GRM1: variants seen among roughly 807,000 people sequenced by gnomAD.
GRM1 encodes the protein glutamate metabotropic receptor 1, also known as metabotropic glutamate receptor 1.
In GRM1, 33 loss-of-function variants were observed where a neutral mutation model predicts 90.9. That is an observed-to-expected ratio of 0.36 (90% CI 0.28 to 0.49). GRM1 has a LOEUF of 0.49. GRM1 is among the 20% of genes least tolerant of loss of function. GRM1 has a pLI of 0.99. For missense variants in GRM1, 1,190 were observed against 1,534.3 expected (o/e 0.78, Z 3.75); for synonymous variants, 700 against 613.2 (o/e 1.14, Z -2.09).
Position 146,134,701 on chromosome 6 carries a change from C to T in GRM1, c.701-24647C>T, listed in dbSNP as rs181411874. Among the ~76,000 whole-genome samples the T allele has an allele frequency of 3.3e-5, 5 of 152,166 alleles. 1 individual carries two copies. The South Asian group carries it at 8.3e-4, about 25-fold the overall frequency. Reference sequence around the variant, plus strand: ...ATCCTAGCACTTTGGGAGGCCATGGCGGGTGGATCATGAGGTCAGAATATT... The same window carrying T: ...ATCCTAGCACTTTGGGAGGCCATGGTGGGTGGATCATGAGGTCAGAATATT... On this transcript the variant is annotated intron_variant, in intron 1 of 7. Coordinates refer to ENST00000282753, the MANE Select transcript of GRM1 (RefSeq NM_001278064.2).
intron 2 of GRM1, among the ~76,000 whole-genome samples, chr6:146,210,746 A>C (rs1779661004): frequency 6.6e-6 from 1 of 152,126 alleles, no homozygotes; most frequent in Non-Finnish European, 1.5e-5. Context: ...TTCATTTACA[A>C]ATTCTTTATT....
chr6:146,055,632 T>A (rs1775457243), intron 1 of GRM1, among the ~76,000 whole-genome samples: 1 of 152,114 alleles, frequency 6.6e-6, no homozygotes, highest in Admixed American at 6.6e-5. Context: ...ATTGAAGGGC[T>A]GGGGAGGTGT....
At chr6:146,195,779 A>G (rs1003619875) in intron 2 of GRM1, among the ~76,000 whole-genome samples, 1 of 152,238 alleles carries the variant, frequency 6.6e-6, no homozygotes, top group Non-Finnish European at 1.5e-5. Flanking sequence ...GAGGGAATAA[A>G]CATGGAGAGA....
At chr6:146,309,705 A>G (rs1783710853) in intron 3 of GRM1, among the ~76,000 whole-genome samples, 2 of 152,020 alleles carry the variant, frequency 1.3e-5, no homozygotes, top group South Asian at 4.1e-4. Flanking sequence ...TCCTTCTTAC[A>G]TAAAAAAAAA....
intron 1 of GRM1, among the ~76,000 whole-genome samples, chr6:146,101,086 C>T (rs1777035016): frequency 6.6e-6 from 1 of 152,034 alleles, no homozygotes; most frequent in South Asian, 2.1e-4. Context: ...AAGTGAGAAC[C>T]TATCTCATAA....
chr6:146,222,905 T>TGGG (rs1362545158), intron 2 of GRM1, among the ~76,000 whole-genome samples: 1 of 151,918 alleles, frequency 6.6e-6, no homozygotes, highest in African/African-American at 2.4e-5. Context: ...GCGGAGTCAT[T>TGGG]GGGGGTGTTG....
intron 1 of GRM1, among the ~76,000 whole-genome samples, chr6:146,136,793 T>C (rs1000990840): frequency 2.0e-5 from 3 of 151,878 alleles, no homozygotes; most frequent in African/African-American, 7.2e-5. Context: ...CAGCAAATAA[T>C]CTGTCATGTG....
chr6:146,210,904 G>A (rs775532099), intron 2 of GRM1, among the ~76,000 whole-genome samples: 5 of 152,078 alleles, frequency 3.3e-5, no homozygotes, highest in Non-Finnish European at 7.4e-5. Context: ...GAGATTCACA[G>A]CAGGAATGGG....
At chr6:146,272,271 CATA>C (rs1782192117) in intron 2 of GRM1, among the ~76,000 whole-genome samples, 1 of 152,166 alleles carries the variant, frequency 6.6e-6, no homozygotes, top group Non-Finnish European at 1.5e-5. Context: ...AATGAATGAA[CATA>C]ATAATCTCCT....
At chr6:146,389,115 G>A (rs888252993) in intron 6 of GRM1, among the ~76,000 whole-genome samples, 7 of 151,890 alleles carry the variant, frequency 4.6e-5, no homozygotes, top group African/African-American at 1.7e-4. Context: ...TCTTTTTCTT[G>A]TATAAGTAGG....
chr6:146,112,006 C>T (rs534757597), intron 1 of GRM1, among the ~76,000 whole-genome samples: 1 of 152,324 alleles, frequency 6.6e-6, no homozygotes, highest in South Asian at 2.1e-4. Context: ...CACTCTATGA[C>T]ACACATAACT....
intron 5 of GRM1, among the ~76,000 whole-genome samples, chr6:146,364,199 AT>A (rs1477451452): frequency 6.6e-6 from 1 of 152,080 alleles, no homozygotes; most frequent in Non-Finnish European, 1.5e-5. Context: ...ACCTCTAGCT[AT>A]TTATTTTTGT....
chr6:146,426,662 A>T (rs1163000055), intron 7 of GRM1: 1 of 1,208,648 alleles, frequency 8.3e-7, no homozygotes. Context: ...AGCTGCATGG[A>T]AAATCTAGTG....
intron 4 of GRM1, among the ~76,000 whole-genome samples, chr6:146,354,678 T>C (rs1450387304): frequency 6.6e-6 from 1 of 152,214 alleles, no homozygotes; most frequent in Non-Finnish European, 1.5e-5. Flanking sequence ...TCGTTCATGC[T>C]TTTGGTCCCT....
intron 5 of GRM1, among the ~76,000 whole-genome samples, chr6:146,374,218 C>G (rs904063597): frequency 6.6e-6 from 1 of 152,000 alleles, no homozygotes; most frequent in Non-Finnish European, 1.5e-5. Context: ...GGATAAATCC[C>G]TCTTGTTCAT....
At chr6:146,193,577 T>C (rs542829627) in intron 2 of GRM1, among the ~76,000 whole-genome samples, 15 of 152,310 alleles carry the variant, frequency 9.8e-5, no homozygotes, top group African/African-American at 3.6e-4. Context: ...TTATTGATGA[T>C]GCACACAAGC....
intron 2 of GRM1, among the ~76,000 whole-genome samples, chr6:146,228,750 TA>T (rs1780340198): frequency 6.6e-6 from 1 of 152,178 alleles, no homozygotes; most frequent in African/African-American, 2.4e-5. Context: ...AGATGCTTGA[TA>T]TTTGACAGTC....
At chr6:146,137,970 A>T (rs1776688837) in intron 1 of GRM1, among the ~76,000 whole-genome samples, 1 of 152,186 alleles carries the variant, frequency 6.6e-6, no homozygotes, top group Non-Finnish European at 1.5e-5. Flanking sequence ...CTGTTGGCGT[A>T]TATAAATGGT....
At chr6:146,201,482 T>G (rs1414717028) in intron 2 of GRM1, among the ~76,000 whole-genome samples, 3 of 152,220 alleles carry the variant, frequency 2.0e-5, no homozygotes, top group Non-Finnish European at 4.4e-5. Flanking sequence ...AGGACCCTCT[T>G]CTGGGATTGC....
Sources: allele counts gnomAD v4.1 joint callset (sites outside exome capture counted in the v4.1 genomes callset), GRCh38; gene constraint gnomAD v4.1.1; transcripts MANE v1.5; gene names NCBI Gene and HGNC (gene_info 2026-07-23, HGNC 2026-07-21).